Variants in ERBB4 observed in about 807,000 individuals in gnomAD.
The protein encoded by ERBB4 is receptor tyrosine-protein kinase erbB-4.
ERBB4 carries 42 observed loss-of-function variants against 158.0 expected under a neutral mutation model. The ratio of observed to expected loss-of-function variants is 0.27; its 90% CI spans 0.21 to 0.34. ERBB4 has a LOEUF of 0.34. ERBB4 is among the 10% of genes least tolerant of loss of function. The pLI is 1.00. For synonymous variants in ERBB4, 583 were observed against 558.7 expected (o/e 1.04, Z -0.61); for missense variants, 1,333 against 1,624.1 (o/e 0.82, Z 3.08).
At chr2:211,543,108 G>A (rs1189441972) in intron 20 of ERBB4, among the ~76,000 whole-genome samples, 2 of 151,916 alleles carry the variant, frequency 1.3e-5, no homozygotes, top group African/African-American at 4.8e-5. Context: ...ATGTTGCAAT[G>A]GGGATTGTTT....
At chr2:212,045,507 G>C (rs948655104) in intron 2 of ERBB4, among the ~76,000 whole-genome samples, 1 of 152,022 alleles carries the variant, frequency 6.6e-6, no homozygotes, top group African/African-American at 2.4e-5. Context: ...TTTTGTTTTT[G>C]GTAATATATA....
chr2:212,045,661 C>T (rs2077243425), intron 2 of ERBB4, among the ~76,000 whole-genome samples: 1 of 152,122 alleles, frequency 6.6e-6, no homozygotes, highest in African/African-American at 2.4e-5. Context: ...ACAGTACCAA[C>T]ATGAAACGTC....
chr2:212,365,982 T>C (rs1030232962), intron 1 of ERBB4, among the ~76,000 whole-genome samples: 4 of 151,702 alleles, frequency 2.6e-5, no homozygotes, highest in Non-Finnish European at 5.9e-5. Context: ...ATATCAACAA[T>C]GACAATTAGG....
intron 1 of ERBB4, among the ~76,000 whole-genome samples, chr2:212,380,721 C>T (rs1459375384): frequency 6.6e-6 from 1 of 150,782 alleles, no homozygotes; most frequent in African/African-American, 2.4e-5. Flanking sequence ...ATGTATCATA[C>T]ATCTTTATCA....
intron 1 of ERBB4, among the ~76,000 whole-genome samples, chr2:212,484,481 G>A (rs773581630): frequency 1.3e-5 from 2 of 152,190 alleles, no homozygotes; most frequent in Non-Finnish European, 2.9e-5. Context: ...TGAAAGGAAT[G>A]CATCTTTTGT....
At chr2:212,430,231 G>A (rs565133207) in intron 1 of ERBB4, among the ~76,000 whole-genome samples, 57 of 152,176 alleles carry the variant, frequency 3.7e-4, no homozygotes, top group African/African-American at 1.2e-3. Context: ...TAGAAACCAC[G>A]TGTTAAAAAT....
chr2:211,530,478 C>T (rs2066465091), intron 20 of ERBB4, among the ~76,000 whole-genome samples: 1 of 152,038 alleles, frequency 6.6e-6, no homozygotes. Context: ...CGATATTTTT[C>T]ACAGAAATGG....
At chr2:211,900,113 C>A (rs2079195116) in intron 3 of ERBB4, among the ~76,000 whole-genome samples, 1 of 152,126 alleles carries the variant, frequency 6.6e-6, no homozygotes, top group African/African-American at 2.4e-5. Context: ...AACTTTCCAT[C>A]ACAGGCAGTA....
intron 2 of ERBB4, among the ~76,000 whole-genome samples, chr2:211,956,484 G>A (rs1664705046): frequency 6.6e-6 from 1 of 151,978 alleles, no homozygotes; most frequent in Non-Finnish European, 1.5e-5. Flanking sequence ...TTTGGGTTCT[G>A]TAGTCTCACA....
intron 2 of ERBB4, among the ~76,000 whole-genome samples, chr2:212,063,897 A>G (rs1159411871): frequency 6.6e-6 from 1 of 152,114 alleles, no homozygotes; most frequent in East Asian, 1.9e-4. Flanking sequence ...CAGGAGTAGG[A>G]GCTATTAAAG....
intron 6 of ERBB4, among the ~76,000 whole-genome samples, chr2:211,724,102 C>G (rs10201860): frequency 6.6e-6 from 1 of 152,146 alleles, no homozygotes. Flanking sequence ...TTCCATCCTA[C>G]GTCTGATGAA....
intron 20 of ERBB4, among the ~76,000 whole-genome samples, chr2:211,447,488 A>G (rs1488862429): frequency 6.6e-6 from 1 of 152,198 alleles, no homozygotes; most frequent in African/African-American, 2.4e-5. Context: ...TTTCTACATC[A>G]ATATTCTAGT....
chr2:211,806,675 G>C lies in ERBB4; in HGVS notation c.422-18516C>G, dbSNP rs558438859. 4.8e-4 allele frequency among the ~76,000 whole-genome samples: 73 copies of C among 152,200 alleles called. 2 individuals are homozygous for C. The highest frequency in any genetic ancestry group is 1.7e-3 in the African/African-American group (70 of 41,526). Reference sequence around the variant, plus strand: ...CAGGGAAAAGGGGGACTGATATAATGCATCATAGGAAATCTGACAATAATT... The same window carrying C: ...CAGGGAAAAGGGGGACTGATATAATCCATCATAGGAAATCTGACAATAATT... On this transcript the variant is annotated intron_variant, in intron 3 of 27. Transcript: ENST00000342788.
intron 1 of ERBB4, among the ~76,000 whole-genome samples, chr2:212,446,240 G>T (rs1265074939): frequency 6.6e-6 from 1 of 151,914 alleles, no homozygotes; most frequent in Non-Finnish European, 1.5e-5. Context: ...TGGATTGAAG[G>T]ATACAAAGTG....
chr2:212,121,092 T>G (rs1052828885), intron 2 of ERBB4, among the ~76,000 whole-genome samples: 3 of 152,260 alleles, frequency 2.0e-5, no homozygotes, highest in Non-Finnish European at 2.9e-5. Context: ...TGAAATAATG[T>G]ATCATCCAAT....
intron 1 of ERBB4, among the ~76,000 whole-genome samples, chr2:212,375,134 G>C (rs10189506): frequency 1.3e-5 from 2 of 151,562 alleles, no homozygotes; most frequent in Admixed American, 6.6e-5. Context: ...CTCTAATAAA[G>C]CTTACTCTAA....
In ERBB4 at chr2:212,320,134, T is replaced by C. The variant is rs968427036; in HGVS notation, c.83-195231A>G. On this transcript the variant is annotated intron_variant, in intron 1 of 27. Transcript: ENST00000342788. Reference sequence around the variant, plus strand: ...AAAATTACGGATTAGGGTTCCAGGTTTGCGGGATGGAAAAAGTCTGATATG... The same window carrying C: ...AAAATTACGGATTAGGGTTCCAGGTCTGCGGGATGGAAAAAGTCTGATATG... Among the ~76,000 whole-genome samples the C allele has an allele frequency of 5.4e-5, 8 of 148,754 alleles. No homozygotes were observed. In the East Asian group the frequency reaches 1.4e-3, roughly 25 times the overall value.
At chr2:211,427,954 A>C (rs1473289405) in intron 22 of ERBB4, among the ~76,000 whole-genome samples, 6 of 149,380 alleles carry the variant, frequency 4.0e-5, no homozygotes, top group Non-Finnish European at 7.4e-5. Context: ...AAAAAAAAAA[A>C]CAGAAAAAGG....
chr2:211,776,549 AACCT>A (rs2075881318), intron 4 of ERBB4, among the ~76,000 whole-genome samples: 1 of 152,164 alleles, frequency 6.6e-6, no homozygotes, highest in Non-Finnish European at 1.5e-5. Flanking sequence ...ACCAGGACAA[AACCT>A]ATCTGTTTAT....
Sources: allele counts gnomAD v4.1 joint callset (sites outside exome capture counted in the v4.1 genomes callset), GRCh38; gene constraint gnomAD v4.1.1; transcripts MANE v1.5; gene names NCBI Gene and HGNC (gene_info 2026-07-23, HGNC 2026-07-21).